Variants in CEP55 observed in about 807,000 individuals in gnomAD.
CEP55 encodes the protein centrosomal protein 55, also known as centrosomal protein of 55 kDa.
In CEP55, 57 loss-of-function variants were observed where a neutral mutation model predicts 63.2. That is an observed-to-expected ratio of 0.90 (90% CI 0.73 to 1.13). CEP55 has a LOEUF of 1.13. CEP55 is among the 50% of genes most tolerant of loss of function. The pLI, the probability that CEP55 is intolerant of heterozygous loss-of-function variation, is 0.00. For missense variants in CEP55, 456 were observed against 518.9 expected (o/e 0.88, Z 1.18); for synonymous variants, 178 against 191.6 (o/e 0.93, Z 0.59).
chr10:93,522,945 A>G (rs902514770), intron 8 of CEP55, among the ~76,000 whole-genome samples: 2 of 152,214 alleles, frequency 1.3e-5, no homozygotes, highest in Admixed American at 1.3e-4. Context: ...GAAGCACTAA[A>G]CGTGGAAAGG....
intron 3 of CEP55, among the ~76,000 whole-genome samples, chr10:93,503,901 C>T (rs1339838685): frequency 1.3e-5 from 2 of 151,392 alleles, no homozygotes; most frequent in Non-Finnish European, 2.9e-5. Flanking sequence ...TGACTCTGAA[C>T]AAATTTGTTA....
At chr10:93,524,053 T>C (rs930524874) in intron 8 of CEP55, among the ~76,000 whole-genome samples, 3 of 152,024 alleles carry the variant, frequency 2.0e-5, no homozygotes, top group African/African-American at 7.3e-5. Context: ...AGCAAACCCA[T>C]TCAAAAGCTA....
chr10:93,517,356 C>A (rs2057815694), intron 6 of CEP55, 108 bp downstream of exon 6: 1 of 790,156 alleles, frequency 1.3e-6, no homozygotes, highest in East Asian at 2.6e-5. Context: ...AATTCCTGCC[C>A]CTCATGGGAG....
intron 2 of CEP55, among the ~76,000 whole-genome samples, 154 bp from the exon 3 acceptor site, chr10:93,502,959 A>G (rs1014643552): frequency 3.3e-5 from 5 of 152,260 alleles, no homozygotes; most frequent in Non-Finnish European, 5.9e-5. Flanking sequence ...CTATCTGAAC[A>G]TAAAACTTTG....
intron 4 of CEP55, among the ~76,000 whole-genome samples, chr10:93,514,476 G>T (rs1035366679): frequency 6.6e-6 from 1 of 152,200 alleles, no homozygotes; most frequent in Non-Finnish European, 1.5e-5. Context: ...GAGTGCAGAC[G>T]GTTTATTGGG....
At chr10:93,498,120 G>T (rs1212606889) in intron 1 of CEP55, among the ~76,000 whole-genome samples, 1 of 147,980 alleles carries the variant, frequency 6.8e-6, no homozygotes, top group Non-Finnish European at 1.5e-5. Flanking sequence ...AGACTCTGCC[G>T]CCCCTAACGC....
At chr10:93,502,902 C>T (rs185285709) in intron 2 of CEP55, among the ~76,000 whole-genome samples, 117 of 152,326 alleles carry the variant, frequency 7.7e-4, no homozygotes, top group African/African-American at 2.7e-3. Context: ...GTCTTAACTA[C>T]AGCACTTACA....
chr10:93,517,988 C>G (rs79627097), intron 6 of CEP55, among the ~76,000 whole-genome samples: 22,221 of 152,066 alleles, frequency 0.15, 1,668 homozygotes, highest in East Asian at 0.2. Flanking sequence ...CTTTGGTGAG[C>G]GTCAGTTGAG....
At position 93,528,334 on chromosome 10, in the gene CEP55, C is replaced by T. The variant is rs554798269; in HGVS notation, c.*181C>T. ...TGTGCATTTCTCTTGGCAGTGATACCTCCCTGACATGGTTCATCATCAGGC... is the reference window on the plus strand; with the variant it reads ...TGTGCATTTCTCTTGGCAGTGATACTTCCCTGACATGGTTCATCATCAGGC... On this transcript the variant is annotated 3_prime_UTR_variant, in exon 9 of 9. Transcript: ENST00000371485. 1.7e-6 allele frequency: 1 copy of T among 605,074 alleles called. No individual in the cohort carries two copies. Among genetic ancestry groups the T allele is most frequent in the East Asian group, 2.8e-5 (1 of 35,692 alleles). 37.5% of individuals were successfully genotyped at this position (605,074 alleles called of 1,614,324 possible).
At chr10:93,522,703 C>T (rs2057877023) in intron 8 of CEP55, among the ~76,000 whole-genome samples, 1 of 152,126 alleles carries the variant, frequency 6.6e-6, no homozygotes, top group Non-Finnish European at 1.5e-5. Flanking sequence ...TCGGGTTACC[C>T]ACAAAGGGAA....
Position 93,517,216 on chromosome 10 carries a change from G to C in CEP55, c.961G>C (p.Glu321Gln), listed in dbSNP as rs146992036. Residue 321 changes from glutamate to glutamine, a missense_variant, in exon 6 of 9, where the codon GAG (glutamate) becomes CAG (glutamine). Glu to Gln is a conservative substitution (Grantham distance 29, BLOSUM62 2). Coordinates refer to ENST00000371485, the MANE Select transcript of CEP55 (RefSeq NM_018131.5). ...TATTGCTAGGGGAAAACTTGAAGAA[G>C]AGAAGAAGAGATCCGAAGAGCTCTT... ...NDIARGKLEE[E>Q]KKRSEELLSQ... 1.1e-5 allele frequency: 17 copies of C among 1,606,936 alleles called. No individual in the cohort carries two copies. The highest frequency in any genetic ancestry group is 5.1e-5 in the Admixed American group (3 of 58,904).
intron 1 of CEP55, among the ~76,000 whole-genome samples, chr10:93,499,393 C>G (rs12247557): frequency 0.21 from 31,574 of 151,978 alleles, 3,374 homozygotes; most frequent in East Asian, 0.28. Flanking sequence ...TGACCTACTT[C>G]TTTCAGGCTT....
In CEP55 at chr10:93,507,057, G is replaced by A; in HGVS notation, c.528+1G>A. ...TGAAATGGAAATACAGCTGAAAGAT[G>A]TAAGTTCATTTCCTTTTAAGTTATG... On this transcript the variant is annotated splice_donor_variant, in intron 4 of 8. Transcript: ENST00000371485. LOFTEE classifies it high-confidence loss of function. 1.3e-6 allele frequency: 2 copies of A among 1,524,494 alleles called. No homozygotes were observed. Among genetic ancestry groups the A allele is most frequent in the East Asian group, 2.3e-5 (1 of 44,292 alleles). The allele number at this position is 1,524,494 out of a possible 1,614,324, so 94.4% of individuals were successfully genotyped here.
At chr10:93,524,371 C>T (rs2057897833) in intron 8 of CEP55, among the ~76,000 whole-genome samples, 1 of 152,088 alleles carries the variant, frequency 6.6e-6, no homozygotes, top group South Asian at 2.1e-4. Flanking sequence ...CACATACACC[C>T]TCCCAAGACT....
intron 8 of CEP55, among the ~76,000 whole-genome samples, chr10:93,525,096 CA>C (rs1307067042): frequency 2.0e-5 from 3 of 151,216 alleles, no homozygotes; most frequent in Non-Finnish European, 3.0e-5. Flanking sequence ...CCAGGGCAAT[CA>C]GGCAGGAGAA....
chr10:93,514,391 G>A (rs1436785381), intron 4 of CEP55, among the ~76,000 whole-genome samples: 4 of 152,216 alleles, frequency 2.6e-5, no homozygotes, highest in Non-Finnish European at 5.9e-5. Context: ...TCATATAAAG[G>A]ATGAAAGTTG....
At position 93,519,798 on chromosome 10, in the gene CEP55, G is replaced by A; in HGVS notation, c.1182G>A (p.Leu394=). 6.2e-7 allele frequency: 1 copy of A among 1,614,024 alleles called. No individual in the cohort carries two copies. Among genetic ancestry groups the A allele is most frequent in the Non-Finnish European group, 8.5e-7 (1 of 1,180,002 alleles). ...AAGCAAGAAATCAAATAACACAGTT[G>A]GAATCCTTGGTGAGTCTGGAATGAT... ...LRKARNQITQ[L]ESLKQLHEFA... The change falls in exon 8 of 9, where the codon TTG becomes TTA. Residue 394 remains leucine, a synonymous_variant. Coordinates refer to ENST00000371485, the MANE Select transcript of CEP55 (RefSeq NM_018131.5).
At chr10:93,514,223 G>C (rs2057780403) in intron 4 of CEP55, among the ~76,000 whole-genome samples, 1 of 152,132 alleles carries the variant, frequency 6.6e-6, no homozygotes, top group Non-Finnish European at 1.5e-5. Flanking sequence ...GTGAGCCACT[G>C]CCCAGCCCAC....
At chr10:93,502,258 T>C (rs1032866064) in intron 2 of CEP55, among the ~76,000 whole-genome samples, 3 of 152,230 alleles carry the variant, frequency 2.0e-5, no homozygotes, top group Non-Finnish European at 2.9e-5. Flanking sequence ...AGCTGGATAC[T>C]GTACTCCATT....
Sources: allele counts gnomAD v4.1 joint callset (sites outside exome capture counted in the v4.1 genomes callset), GRCh38; gene constraint gnomAD v4.1.1; transcripts MANE v1.5; gene names NCBI Gene and HGNC (gene_info 2026-07-23, HGNC 2026-07-21).